The following KIAA1217 variants were observed in gnomAD, a reference collection of about 807,000 sequenced individuals.
KIAA1217 encodes the protein sickle tail protein homolog.
KIAA1217 carries 88 observed loss-of-function variants against 163.9 expected under a neutral mutation model. That is an observed-to-expected ratio of 0.54 (90% CI 0.45 to 0.64). The LOEUF (loss-of-function observed/expected upper bound fraction) is 0.64. Among genes scored for constraint, KIAA1217 ranks in the 30% least tolerant of loss-of-function variants. KIAA1217 has a pLI of 0.00. For missense variants in KIAA1217, 2,372 were observed against 2,475.0 expected (o/e 0.96, Z 0.88); for synonymous variants, 903 against 923.1 (o/e 0.98, Z 0.39).
intron 1 of KIAA1217, among the ~76,000 whole-genome samples, chr10:23,850,965 T>C (rs944445039): frequency 2.0e-5 from 3 of 152,068 alleles, no homozygotes; most frequent in African/African-American, 7.2e-5. Flanking sequence ...ACCCCCATGA[T>C]CCAGTCACCA....
In KIAA1217 at chr10:23,992,607, CTTT is replaced by C. The variant is rs368335847; in HGVS notation, c.-320-14602_-320-14600del. Among the ~76,000 whole-genome samples the C allele has an allele frequency of 1.5e-3, 193 of 127,904 alleles. 2 individuals carry two copies. The East Asian group carries it at 0.037, about 24-fold the overall frequency. 83.9% of individuals were successfully genotyped at this position (127,904 alleles called of 152,430 possible). A position where few individuals can be genotyped will look rare whatever the true frequency, so the allele number is the denominator to read the frequency against. On this transcript the variant is annotated intron_variant, in intron 1 of 18. Transcript: ENST00000376462. ...AAAGGCCAGAACAGGGCCATCATTTCTTTTTTTTTTTTTTTTTTGGAAGCCCTC... is the reference window on the plus strand; with the variant it reads ...AAAGGCCAGAACAGGGCCATCATTTCTTTTTTTTTTTTTTTGGAAGCCCTC...
At chr10:24,341,573 T>C (rs1419792478) in intron 2 of KIAA1217, among the ~76,000 whole-genome samples, 1 of 152,208 alleles carries the variant, frequency 6.6e-6, no homozygotes, top group Non-Finnish European at 1.5e-5. Context: ...TTTATGAAGT[T>C]GAATCAGGGA....
chr10:23,849,623 C>T lies in KIAA1217; in HGVS notation c.-321+154389C>T, dbSNP rs138582345. 4.8e-4 allele frequency among the ~76,000 whole-genome samples: 73 copies of T among 152,086 alleles called. 3 individuals carry two copies. The East Asian group carries it at 0.013, about 27-fold the overall frequency. On this transcript the variant is annotated intron_variant, in intron 1 of 18. Coordinates refer to the KIAA1217 transcript ENST00000376462. Reference sequence around the variant, plus strand: ...AACCAATATAGCACATGTATATATACGTAACAAACCTGCACGTTGTGCACA... The same window carrying T: ...AACCAATATAGCACATGTATATATATGTAACAAACCTGCACGTTGTGCACA...
intron 2 of KIAA1217, among the ~76,000 whole-genome samples, chr10:24,169,241 T>C (rs1267099877): frequency 6.6e-6 from 1 of 152,222 alleles, no homozygotes; most frequent in African/African-American, 2.4e-5. Flanking sequence ...TACCATTGCT[T>C]CTCCTCATCA....
chr10:24,096,783 T>C (rs2062180477), intron 2 of KIAA1217, among the ~76,000 whole-genome samples: 1 of 152,224 alleles, frequency 6.6e-6, no homozygotes, highest in Admixed American at 6.5e-5. Flanking sequence ...CTAGATTTGC[T>C]TCCCTTATTA....
At chr10:24,322,704 CCT>C (rs1405999020) in intron 2 of KIAA1217, among the ~76,000 whole-genome samples, 1 of 152,128 alleles carries the variant, frequency 6.6e-6, no homozygotes, top group African/African-American at 2.4e-5. Context: ...GTCTTTCGTG[CCT>C]CTAAGAAGCC....
At chr10:23,905,224 A>G (rs1356507342) in intron 1 of KIAA1217, among the ~76,000 whole-genome samples, 1 of 150,770 alleles carries the variant, frequency 6.6e-6, no homozygotes, top group Non-Finnish European at 1.5e-5. Flanking sequence ...TCTTGGGTGC[A>G]GTGGGGAAGA....
At chr10:23,999,282 A>G (rs958581810) in intron 1 of KIAA1217, among the ~76,000 whole-genome samples, 1 of 152,170 alleles carries the variant, frequency 6.6e-6, no homozygotes, top group African/African-American at 2.4e-5. Flanking sequence ...AGGGTGCCTC[A>G]TTGCAAGAAT....
At chr10:24,202,009 A>G (rs991985903) in intron 2 of KIAA1217, among the ~76,000 whole-genome samples, 7 of 152,150 alleles carry the variant, frequency 4.6e-5, no homozygotes, top group Non-Finnish European at 8.8e-5. Context: ...GCACGCAGGC[A>G]GGCGGCCCAG....
intron 2 of KIAA1217, among the ~76,000 whole-genome samples, chr10:24,095,125 G>A (rs2062100695): frequency 6.6e-6 from 1 of 152,152 alleles, no homozygotes. Flanking sequence ...CGATTTTCCA[G>A]GTGCCATCTG....
At chr10:23,697,303 C>T (rs1238598429) in intron 1 of KIAA1217, among the ~76,000 whole-genome samples, 2 of 152,166 alleles carry the variant, frequency 1.3e-5, no homozygotes, top group African/African-American at 4.8e-5. Flanking sequence ...TAATATTTTG[C>T]TACTAATGTA....
At chr10:23,910,249 T>TA (rs977906062) in intron 1 of KIAA1217, among the ~76,000 whole-genome samples, 3 of 150,966 alleles carry the variant, frequency 2.0e-5, no homozygotes, top group South Asian at 2.1e-4. Flanking sequence ...TATACCTATG[T>TA]AAAAAAACTT....
intron 2 of KIAA1217, among the ~76,000 whole-genome samples, chr10:24,245,507 T>C (rs2073684980): frequency 6.6e-6 from 1 of 152,116 alleles, no homozygotes; most frequent in South Asian, 2.1e-4. Flanking sequence ...GTTTTTGGAG[T>C]GAATAAGAGA....
intron 1 of KIAA1217, among the ~76,000 whole-genome samples, chr10:23,908,886 G>A (rs890913365): frequency 6.6e-6 from 1 of 152,052 alleles, no homozygotes; most frequent in African/African-American, 2.4e-5. Flanking sequence ...CCCGTTACTG[G>A]GTGTATACCT....
intron 5 of KIAA1217, among the ~76,000 whole-genome samples, chr10:24,444,558 G>A (rs1244947039): frequency 6.6e-6 from 1 of 152,162 alleles, no homozygotes; most frequent in Non-Finnish European, 1.5e-5. Flanking sequence ...CCAAAAACCA[G>A]TCATGGCATC....
intron 2 of KIAA1217, among the ~76,000 whole-genome samples, chr10:24,036,841 A>G (rs1307679658): frequency 6.6e-6 from 1 of 152,192 alleles, no homozygotes; most frequent in African/African-American, 2.4e-5. Context: ...CACCATCAAC[A>G]TTGGAGGTTG....
chr10:24,503,363 G>C (rs2067921774), intron 9 of KIAA1217, among the ~76,000 whole-genome samples: 1 of 152,234 alleles, frequency 6.6e-6, no homozygotes, highest in Non-Finnish European at 1.5e-5. Context: ...CTCATCGTCT[G>C]TGATGGCCCC....
intron 7 of KIAA1217, 177 bp from the exon 8 acceptor site, chr10:24,494,970 G>T: frequency 1.7e-6 from 1 of 605,964 alleles, no homozygotes; most frequent in South Asian, 2.1e-5. Flanking sequence ...CCAGTGTCAG[G>T]TGCACACCTG....
intron 1 of KIAA1217, among the ~76,000 whole-genome samples, chr10:23,767,224 T>A (rs1288852106): frequency 1.3e-5 from 2 of 151,914 alleles, no homozygotes; most frequent in African/African-American, 2.4e-5. Context: ...TGGGAGGAGG[T>A]GAGACCCATG....
Sources: gnomAD v4.1 joint callset for allele counts (sites outside exome capture counted in the v4.1 genomes callset) on GRCh38, gnomAD v4.1.1 for gene constraint, MANE v1.5 for transcripts, NCBI Gene and HGNC (gene_info 2026-07-23, HGNC 2026-07-21) for gene names.